SSBP2: variants seen among roughly 807,000 people sequenced by gnomAD.
SSBP2 encodes single stranded DNA binding protein 2.
SSBP2 carries 17 observed loss-of-function variants against 61.8 expected under a neutral mutation model. The ratio of observed to expected loss-of-function variants is 0.28; its 90% CI spans 0.19 to 0.41. The LOEUF (loss-of-function observed/expected upper bound fraction) is 0.41, where lower values mean the gene tolerates loss of function less well. SSBP2 is among the 10% of genes least tolerant of loss of function. SSBP2 has a pLI of 1.00. For synonymous variants in SSBP2, 139 were observed against 141.3 expected (o/e 0.98, Z 0.12); for missense variants, 310 against 458.7 (o/e 0.68, Z 2.96).
rs568385426 is a variant in SSBP2 at position 81,508,655 on chromosome 5, T to C, written c.372+4973A>G. 2.6e-4 allele frequency among the ~76,000 whole-genome samples: 40 copies of C among 152,330 alleles called. No individual in the cohort carries two copies. In the South Asian group the frequency reaches 8.1e-3, roughly 31 times the overall value. ...TTAATTCATTGCTATTTTTCAAATG[T>C]AGTTGTTATGTATTCACAAGTTCAG... On this transcript the variant is annotated intron_variant, in intron 5 of 16. Coordinates refer to ENST00000320672, the MANE Select transcript of SSBP2 (RefSeq NM_012446.5).
intron 4 of SSBP2, among the ~76,000 whole-genome samples, chr5:81,525,084 C>A (rs1027024690): frequency 6.6e-6 from 1 of 151,924 alleles, no homozygotes; most frequent in Admixed American, 6.6e-5. Flanking sequence ...AATCCTTGTG[C>A]CAAAAGAGAG....
intron 15 of SSBP2, among the ~76,000 whole-genome samples, chr5:81,431,280 G>A (rs1180192874): frequency 4.6e-5 from 7 of 151,792 alleles, no homozygotes; most frequent in Non-Finnish European, 8.8e-5. Context: ...TAGGCCCATC[G>A]GTTACAGTTA....
At chr5:81,700,748 G>C (rs575484953) in intron 1 of SSBP2, among the ~76,000 whole-genome samples, 3 of 152,266 alleles carry the variant, frequency 2.0e-5, no homozygotes, top group African/African-American at 7.2e-5. Flanking sequence ...ATATTATGGA[G>C]ACGGGTTCTT....
At chr5:81,463,066 A>C (rs1376891259) in intron 9 of SSBP2, among the ~76,000 whole-genome samples, 1 of 152,082 alleles carries the variant, frequency 6.6e-6, no homozygotes, top group African/African-American at 2.4e-5. Flanking sequence ...ATATATTTCA[A>C]TTTGATAAAT....
chr5:81,472,575 T>G (rs1488712931), intron 8 of SSBP2, among the ~76,000 whole-genome samples: 3 of 152,168 alleles, frequency 2.0e-5, no homozygotes, highest in African/African-American at 7.2e-5. Flanking sequence ...CTTTAATATT[T>G]TCAATCAACT....
At chr5:81,481,386 C>T (rs1050997640) in intron 6 of SSBP2, among the ~76,000 whole-genome samples, 1 of 152,010 alleles carries the variant, frequency 6.6e-6, no homozygotes, top group Non-Finnish European at 1.5e-5. Context: ...CTTTGGGAGG[C>T]CGAGGGGGGT....
intron 4 of SSBP2, among the ~76,000 whole-genome samples, chr5:81,588,603 A>C (rs1775256420): frequency 6.6e-6 from 1 of 151,960 alleles, no homozygotes; most frequent in Admixed American, 6.6e-5. Flanking sequence ...CTTTATCTCT[A>C]TGTATATTTG....
chr5:81,498,052 A>G (rs1767424182), intron 5 of SSBP2, among the ~76,000 whole-genome samples: 1 of 152,096 alleles, frequency 6.6e-6, no homozygotes, highest in Admixed American at 6.5e-5. Context: ...AGGTTGAAAT[A>G]TATTTTAGAA....
intron 1 of SSBP2, among the ~76,000 whole-genome samples, chr5:81,725,596 C>G (rs905269824): frequency 6.6e-6 from 1 of 152,098 alleles, no homozygotes; most frequent in Non-Finnish European, 1.5e-5. Context: ...CAGAATATTA[C>G]AGACAAACTA....
chr5:81,623,639 G>A (rs539437015), intron 3 of SSBP2, among the ~76,000 whole-genome samples: 3 of 152,120 alleles, frequency 2.0e-5, no homozygotes, highest in African/African-American at 7.2e-5. Context: ...CCGGTCCATT[G>A]TAGTACTTTT....
intron 1 of SSBP2, among the ~76,000 whole-genome samples, chr5:81,748,166 C>G (rs917035037): frequency 6.6e-6 from 1 of 152,118 alleles, no homozygotes; most frequent in Non-Finnish European, 1.5e-5. Context: ...GATTATAAAA[C>G]CAATGTGCTT....
chr5:81,552,308 C>A (rs182195769), intron 4 of SSBP2, among the ~76,000 whole-genome samples: 1 of 152,028 alleles, frequency 6.6e-6, no homozygotes, highest in East Asian at 1.9e-4. Context: ...TAATTATCAT[C>A]GGAAACTGTA....
upstream of SSBP2, chr5:81,751,209 T>C: frequency 8.7e-6 from 6 of 691,256 alleles, no homozygotes; most frequent in Non-Finnish European, 1.5e-5. Context: ...CTGACAGGCC[T>C]CCCCCTCCCT....
chr5:81,564,234 G>A (rs1056895557), intron 4 of SSBP2, among the ~76,000 whole-genome samples: 1 of 152,072 alleles, frequency 6.6e-6, no homozygotes, highest in Admixed American at 6.6e-5. Flanking sequence ...TTATTAAAAA[G>A]GCAAAAGTGT....
chr5:81,704,231 G>A (rs1004024948), intron 1 of SSBP2, among the ~76,000 whole-genome samples: 1 of 152,136 alleles, frequency 6.6e-6, no homozygotes, highest in African/African-American at 2.4e-5. Context: ...AGTATGGCAG[G>A]CTTTCACTAT....
intron 4 of SSBP2, among the ~76,000 whole-genome samples, chr5:81,573,309 T>C (rs1773967590): frequency 6.6e-6 from 1 of 152,256 alleles, no homozygotes; most frequent in Non-Finnish European, 1.5e-5. Context: ...AATGAAAAGA[T>C]GCTCTGTTTG....
At chr5:81,714,187 T>A (rs1175536791) in intron 1 of SSBP2, among the ~76,000 whole-genome samples, 1 of 152,212 alleles carries the variant, frequency 6.6e-6, no homozygotes, top group South Asian at 2.1e-4. Flanking sequence ...GTTAGTTTGC[T>A]GAGAATGATG....
intron 4 of SSBP2, among the ~76,000 whole-genome samples, chr5:81,546,050 A>G (rs7720736): frequency 0.47 from 70,956 of 151,872 alleles, 21,125 homozygotes; most frequent in African/African-American, 0.86. Context: ...AGTTTTAAAG[A>G]GAATGTTTAA....
chr5:81,490,797 C>T (rs548822628), intron 5 of SSBP2, among the ~76,000 whole-genome samples: 71 of 152,310 alleles, frequency 4.7e-4, no homozygotes, highest in Non-Finnish European at 9.9e-4. Context: ...TTTTTGTTCA[C>T]TGTGTTCTTA....
Sources: allele counts gnomAD v4.1 joint callset (sites outside exome capture counted in the v4.1 genomes callset), GRCh38; gene constraint gnomAD v4.1.1; transcripts MANE v1.5; gene names NCBI Gene and HGNC (gene_info 2026-07-23, HGNC 2026-07-21).